The following TAF4 variants were observed in gnomAD, a reference collection of about 807,000 sequenced individuals.
The protein encoded by TAF4 is TATA-box binding protein associated factor 4.
TAF4 carries 9 observed loss-of-function variants against 90.3 expected under a neutral mutation model. The ratio of observed to expected loss-of-function variants is 0.10; its 90% CI spans 0.06 to 0.17. The LOEUF (loss-of-function observed/expected upper bound fraction) is 0.17. Ranked by LOEUF, TAF4 falls within the 10% of genes least tolerant of loss-of-function variation. The pLI, the probability that TAF4 is intolerant of heterozygous loss-of-function variation, is 1.00. For missense variants in TAF4, 1,351 were observed against 1,370.7 expected (o/e 0.99, Z 0.23); for synonymous variants, 818 against 638.9 (o/e 1.28, Z -4.23).
At chr20:62,040,281 A>G (rs547684768) in intron 1 of TAF4, among the ~76,000 whole-genome samples, 39 of 152,412 alleles carry the variant, frequency 2.6e-4, no homozygotes, top group Admixed American at 8.5e-4. Flanking sequence ...GATGCTGCTC[A>G]GCAACGCAAA....
rs747234735 is a variant in TAF4 at position 62,003,890 on chromosome 20, C to T, written c.2224-12G>A. 1.9e-6 allele frequency: 3 copies of T among 1,542,552 alleles called. No homozygotes were observed. Among genetic ancestry groups the T allele is most frequent in the South Asian group, 1.2e-5 (1 of 82,120 alleles). On this transcript the variant is annotated splice_polypyrimidine_tract_variant and intron_variant, in intron 7 of 14. Transcript: ENST00000252996. ...GGCTGCTGGATGACCTGAGGCAGAG[C>T]CAGCAGAGAATGGTGAGCATGCTCC...
At chr20:62,019,649 G>A (rs1240065129) in intron 1 of TAF4, among the ~76,000 whole-genome samples, 2 of 152,132 alleles carry the variant, frequency 1.3e-5, no homozygotes, top group African/African-American at 2.4e-5. Context: ...GTGACCAGTG[G>A]TGACCAGTGC....
Position 62,010,228 on chromosome 20 carries a change from C to A in TAF4, c.1642-63G>T, listed in dbSNP as rs2055770992. 1 of 1,608,156 alleles carries A rather than the reference C, an allele frequency of 6.2e-7. No homozygotes were observed. The highest frequency in any genetic ancestry group is 8.5e-7 in the Non-Finnish European group (1 of 1,177,600). ...CGCCACCAGCTGACGAGGGGGAGACCAGCCTCACGCCCAGCAAAAGAAAAC... is the reference window on the plus strand; with the variant it reads ...CGCCACCAGCTGACGAGGGGGAGACAAGCCTCACGCCCAGCAAAAGAAAAC... On this transcript the variant is annotated intron_variant, in intron 3 of 14. Transcript: ENST00000252996. This position sits in a 1 kb window ranked among gnomAD's most constrained non-coding sequence, Gnocchi z 4.5.
intron 11 of TAF4, among the ~76,000 whole-genome samples, chr20:61,999,529 T>C (rs2055685320): frequency 6.6e-6 from 1 of 152,200 alleles, no homozygotes; most frequent in Non-Finnish European, 1.5e-5. Flanking sequence ...AGAGTGTTCA[T>C]ATGTGACTGC....
intron 1 of TAF4, among the ~76,000 whole-genome samples, chr20:62,051,363 T>A (rs1348242396): frequency 2.0e-5 from 3 of 152,014 alleles, no homozygotes; most frequent in Non-Finnish European, 2.9e-5. Context: ...TCACAGGGCG[T>A]CACCGCCCGG....
intron 1 of TAF4, among the ~76,000 whole-genome samples, chr20:62,059,231 C>T (rs978240232): frequency 1.6e-4 from 24 of 152,244 alleles, no homozygotes; most frequent in African/African-American, 5.8e-4. Flanking sequence ...GGGACCACCG[C>T]GGACTGACCA....
chr20:62,003,320 A>G (rs2055719656), intron 8 of TAF4, 46 bp from the exon 9 acceptor site: 1 of 1,478,590 alleles, frequency 6.8e-7, no homozygotes, highest in Admixed American at 1.7e-5. Context: ...CTTTTATTAG[A>G]TCAACTATGT....
intron 1 of TAF4, among the ~76,000 whole-genome samples, chr20:62,048,011 G>A (rs909886106): frequency 1.2e-4 from 19 of 152,132 alleles, no homozygotes; most frequent in Non-Finnish European, 1.2e-4. Context: ...AACCCTCACT[G>A]GACCACCCCC....
intron 1 of TAF4, among the ~76,000 whole-genome samples, chr20:62,018,129 A>G (rs1028281955): frequency 6.6e-6 from 1 of 152,210 alleles, no homozygotes; most frequent in African/African-American, 2.4e-5. Flanking sequence ...ATATCTGTGA[A>G]CCAAGCGCGA....
At chr20:62,024,459 C>T (rs929540815) in intron 1 of TAF4, among the ~76,000 whole-genome samples, 1 of 152,254 alleles carries the variant, frequency 6.6e-6, no homozygotes, top group African/African-American at 2.4e-5. Flanking sequence ...GGCTTTTCAG[C>T]AGACACTGCT....
chr20:62,037,776 G>A (rs759310500), intron 1 of TAF4: 4 of 214,478 alleles, frequency 1.9e-5, no homozygotes, highest in South Asian at 8.1e-5. Context: ...CTGCCAAGTC[G>A]GAATGGCATA....
At chr20:62,038,208 T>C (rs1003512467) in intron 1 of TAF4, among the ~76,000 whole-genome samples, 1 of 152,104 alleles carries the variant, frequency 6.6e-6, no homozygotes, top group East Asian at 1.9e-4. Flanking sequence ...TTTGTATTTT[T>C]ACTAGAGACA....
chr20:62,022,828 A>C (rs567018126), intron 1 of TAF4, among the ~76,000 whole-genome samples: 1 of 151,908 alleles, frequency 6.6e-6, no homozygotes, highest in Admixed American at 6.6e-5. Flanking sequence ...TAAAAATTAA[A>C]CTTCTGACGC....
rs540533517 is a variant in TAF4 at position 61,989,221 on chromosome 20, C to T, written c.3090+8329G>A. Among the ~76,000 whole-genome samples the T allele has an allele frequency of 1.3e-3, 193 of 152,244 alleles. 1 individual carries two copies. The highest frequency in any genetic ancestry group is 3.5e-3 in the African/African-American group (145 of 41,538). Reference sequence around the variant, plus strand: ...GGGTCCCGAGCTCTGGCTGCTGGCACGGCCTGGGAGCAGGGGCCCCAGCAA... The same window carrying T: ...GGGTCCCGAGCTCTGGCTGCTGGCATGGCCTGGGAGCAGGGGCCCCAGCAA... On this transcript the variant is annotated intron_variant, in intron 14 of 14. Transcript: ENST00000252996.
chr20:62,034,274 C>T (rs1374811680), intron 1 of TAF4, among the ~76,000 whole-genome samples: 4 of 152,102 alleles, frequency 2.6e-5, no homozygotes, highest in Non-Finnish European at 5.9e-5. Context: ...GATCAATATC[C>T]AAAATTCAAC....
intron 1 of TAF4, among the ~76,000 whole-genome samples, chr20:62,044,769 G>C (rs2055983513): frequency 6.6e-6 from 1 of 152,200 alleles, no homozygotes; most frequent in Non-Finnish European, 1.5e-5. Context: ...TGTTAAAAAT[G>C]TGACCAGCAT....
intron 14 of TAF4, among the ~76,000 whole-genome samples, chr20:61,977,042 G>A (rs958423466): frequency 1.5e-5 from 2 of 131,316 alleles, no homozygotes; most frequent in African/African-American, 2.5e-5. Flanking sequence ...CAGGGCACGC[G>A]CCACACACAC....
chr20:61,999,995 C>A (rs118176025), intron 11 of TAF4, 129 bp downstream of exon 11: 2 of 1,139,244 alleles, frequency 1.8e-6, no homozygotes, highest in African/African-American at 1.6e-5. Context: ...ATCCAAAACA[C>A]GTTCGTAAGG....
At chr20:62,002,035 C>A (rs2055708434) in intron 9 of TAF4, among the ~76,000 whole-genome samples, 1 of 152,214 alleles carries the variant, frequency 6.6e-6, no homozygotes, top group Admixed American at 6.5e-5. Flanking sequence ...CAGGGGTTTG[C>A]GTCAGCATTC....
Sources: gnomAD v4.1 joint callset for allele counts (sites outside exome capture counted in the v4.1 genomes callset) on GRCh38, gnomAD v4.1.1 for gene constraint, Gnocchi (gnomAD v3.1) non-coding constraint, MANE v1.5 for transcripts, NCBI Gene and HGNC (gene_info 2026-07-23, HGNC 2026-07-21) for gene names.